ZNF385B: variants seen among roughly 807,000 people sequenced by gnomAD.
ZNF385B encodes zinc finger protein 385B.
ZNF385B carries 23 observed loss-of-function variants against 39.2 expected under a neutral mutation model. That is an observed-to-expected ratio of 0.59 (90% confidence interval 0.42 to 0.83). The LOEUF (loss-of-function observed/expected upper bound fraction) is 0.83, where lower values mean the gene tolerates loss of function less well. ZNF385B is among the 40% of genes least tolerant of loss of function. The pLI is 0.00. For missense variants in ZNF385B, 552 were observed against 598.9 expected, an observed-to-expected ratio of 0.92 and a Z score of 0.82; for synonymous variants, 205 against 222.6, an observed-to-expected ratio of 0.92 and a Z score of 0.70.
At chr2:179,718,857 T>C (rs940008040) in intron 3 of ZNF385B, among the ~76,000 whole-genome samples, 6 of 151,490 alleles carry the variant, frequency 4.0e-5, no homozygotes, top group Admixed American at 3.3e-4. Flanking sequence ...AAGCCAAATT[T>C]CTATTTTCAT....
intron 1 of ZNF385B, among the ~76,000 whole-genome samples, chr2:179,805,526 T>C (rs182617081): frequency 1.2e-4 from 18 of 152,336 alleles, no homozygotes; most frequent in Admixed American, 5.2e-4. Context: ...TATATTATTA[T>C]AATTATTTCT....
At chr2:179,476,857 C>G (rs974313985) in intron 6 of ZNF385B, among the ~76,000 whole-genome samples, 2 of 151,958 alleles carry the variant, frequency 1.3e-5, no homozygotes, top group African/African-American at 4.8e-5. Flanking sequence ...ATGACTATAC[C>G]CCAGAACTTC....
chr2:179,526,586 ACT>A (rs1341989857), intron 4 of ZNF385B, among the ~76,000 whole-genome samples: 2 of 151,872 alleles, frequency 1.3e-5, no homozygotes, highest in Non-Finnish European at 2.9e-5. Flanking sequence ...CAAGAGCGAA[ACT>A]CTGTCTCAAG....
chr2:179,608,842 CTG>C (rs60633100), intron 3 of ZNF385B, among the ~76,000 whole-genome samples: 6,492 of 134,296 alleles, frequency 0.048, 166 homozygotes, highest in Admixed American at 0.057. Flanking sequence ...AGGGCCAAGA[CTG>C]TGTGTGTGTG....
intron 3 of ZNF385B, among the ~76,000 whole-genome samples, chr2:179,710,291 G>A (rs1454525354): frequency 3.9e-5 from 6 of 151,952 alleles, no homozygotes; most frequent in African/African-American, 1.5e-4. Context: ...CCCCAACCTG[G>A]GACTCAAGGA....
chr2:179,827,449 A>C (rs1707740141), intron 1 of ZNF385B, among the ~76,000 whole-genome samples: 1 of 152,168 alleles, frequency 6.6e-6, no homozygotes, highest in Non-Finnish European at 1.5e-5. Flanking sequence ...AACAACACAA[A>C]TACCATTTTA....
rs187688969 is a variant in ZNF385B at position 179,597,945 on chromosome 2, A to G, written c.299-52976T>C. ...AAAATCATCTTCACTAGAGCTCAAGATTTGAAAATGTCAGTCCAAAGAGAA... is the reference window on the plus strand; with the variant it reads ...AAAATCATCTTCACTAGAGCTCAAGGTTTGAAAATGTCAGTCCAAAGAGAA... On this transcript the variant is annotated intron_variant, in intron 3 of 9. Coordinates refer to ENST00000410066, the MANE Select transcript of ZNF385B (RefSeq NM_152520.6). Among the ~76,000 whole-genome samples, 1,002 of 152,328 alleles carry G rather than the reference A, an allele frequency of 6.6e-3. 8 individuals carry two copies. Among genetic ancestry groups the G allele is most frequent in the Admixed American group, 0.015 (233 of 15,304 alleles).
chr2:179,606,736 T>A (rs1374551302), intron 3 of ZNF385B, among the ~76,000 whole-genome samples: 1 of 152,184 alleles, frequency 6.6e-6, no homozygotes, highest in African/African-American at 2.4e-5. Flanking sequence ...ATCACCGAAA[T>A]TTTGAAAAGC....
At position 179,783,476 on chromosome 2, in the gene ZNF385B, C is replaced by T. The variant is rs531254007; in HGVS notation, c.-154-12804G>A. Among the ~76,000 whole-genome samples, 14 of 152,010 alleles carry T rather than the reference C, an allele frequency of 9.2e-5. No homozygotes were observed. The South Asian group carries it at 2.9e-3, about 32-fold the overall frequency. On this transcript the variant is annotated intron_variant, in intron 1 of 9. Transcript: ENST00000410066. ...GCAATCACAACAAAAACAAAAATTG[C>T]CAAGTGGGATCTAATTAAACTGAAG...
At chr2:179,706,493 A>G (rs1699611963) in intron 3 of ZNF385B, among the ~76,000 whole-genome samples, 1 of 152,050 alleles carries the variant, frequency 6.6e-6, no homozygotes, top group Non-Finnish European at 1.5e-5. Context: ...GGGATTGGGG[A>G]AGGGGAAATC....
chr2:179,566,426 G>C (rs946304427), intron 3 of ZNF385B, among the ~76,000 whole-genome samples: 1 of 152,216 alleles, frequency 6.6e-6, no homozygotes, highest in African/African-American at 2.4e-5. Context: ...AATAGCCTAT[G>C]AGTGTTTATG....
intron 5 of ZNF385B, among the ~76,000 whole-genome samples, chr2:179,484,809 A>G (rs2054388258): frequency 6.6e-6 from 1 of 152,196 alleles, no homozygotes; most frequent in Non-Finnish European, 1.5e-5. Flanking sequence ...GACTTCCTAA[A>G]TGGGTAACTT....
intron 3 of ZNF385B, among the ~76,000 whole-genome samples, chr2:179,763,098 T>C (rs1559172417): frequency 6.6e-6 from 1 of 152,014 alleles, no homozygotes; most frequent in Non-Finnish European, 1.5e-5. Context: ...AGAGGTGGAG[T>C]TTCACCATGT....
intron 4 of ZNF385B, among the ~76,000 whole-genome samples, chr2:179,530,261 T>C (rs369408592): frequency 1.3e-5 from 2 of 152,286 alleles, no homozygotes; most frequent in East Asian, 1.9e-4. Flanking sequence ...CTGAGAAATA[T>C]CTTTTTATAA....
chr2:179,834,390 A>G (rs1033801871), intron 1 of ZNF385B, among the ~76,000 whole-genome samples: 5 of 152,166 alleles, frequency 3.3e-5, no homozygotes, highest in Admixed American at 1.3e-4. Flanking sequence ...AGTGCTCAAT[A>G]ACTAATTAAA....
In ZNF385B at chr2:179,755,686, A is replaced by T. The variant is rs1702968910; in HGVS notation, c.298+13817T>A. Among the ~76,000 whole-genome samples, 2 of 152,164 alleles carry T rather than the reference A, an allele frequency of 1.3e-5. 1 individual carries two copies. Among genetic ancestry groups the T allele is most frequent in the Admixed American group, 1.3e-4 (2 of 15,284 alleles). The stretch of plus-strand genomic sequence containing the variant: ...GAATTGATCCCTTTACCATTATGTA[A>T]TGGCCTTCTATGTCTCTTTTGATCT... On this transcript the variant is annotated intron_variant, in intron 3 of 9. Transcript: ENST00000410066.
chr2:179,836,513 CTTTT>C (rs755278598), intron 1 of ZNF385B, among the ~76,000 whole-genome samples: 7 of 124,174 alleles, frequency 5.6e-5, no homozygotes, highest in Admixed American at 1.8e-4. Flanking sequence ...CTTGCGTTTT[CTTTT>C]TTTTTTTTTT....
At chr2:179,743,516 G>A (rs946424476) in intron 3 of ZNF385B, among the ~76,000 whole-genome samples, 1 of 151,904 alleles carries the variant, frequency 6.6e-6, no homozygotes, top group Non-Finnish European at 1.5e-5. Flanking sequence ...CAGTTCCCTT[G>A]TCAAGACCAC....
intron 4 of ZNF385B, among the ~76,000 whole-genome samples, chr2:179,535,882 GTC>G (rs1299580785): frequency 1.3e-5 from 2 of 152,178 alleles, no homozygotes; most frequent in African/African-American, 4.8e-5. Context: ...TCCAAAGCAT[GTC>G]TCTCCAACCC....
Sources: gnomAD v4.1 joint callset for allele counts (sites outside exome capture counted in the v4.1 genomes callset) on GRCh38, gnomAD v4.1.1 for gene constraint, MANE v1.5 for transcripts, NCBI Gene and HGNC (gene_info 2026-07-23, HGNC 2026-07-21) for gene names.